Variants in TANC2 observed in about 807,000 individuals in gnomAD.
TANC2 encodes tetratricopeptide repeat, ankyrin repeat and coiled-coil containing 2.
In TANC2, 26 loss-of-function variants were observed where a neutral mutation model predicts 210.5. That is an observed-to-expected ratio of 0.12 (90% CI 0.09 to 0.17). The LOEUF (loss-of-function observed/expected upper bound fraction) is 0.17. TANC2 is among the 10% of genes least tolerant of loss of function. The probability of loss-of-function intolerance (pLI) is 1.00; values close to 1 mark genes in which losing one functional copy is unlikely to be tolerated. For missense variants in TANC2, 2,129 were observed against 2,608.9 expected, an observed-to-expected ratio of 0.82 and a Z score of 4.01; for synonymous variants, 931 against 967.1, an observed-to-expected ratio of 0.96 and a Z score of 0.69.
At chr17:63,073,821 T>A in intron 2 of TANC2, 122 bp from the exon 3 acceptor site, 1 of 897,880 alleles carries the variant, frequency 1.1e-6, no homozygotes, top group Non-Finnish European at 1.6e-6. Context: ...ATTTTAATGA[T>A]CCGGATTATA....
intron 4 of TANC2, among the ~76,000 whole-genome samples, chr17:63,114,538 A>G (rs1489124388): frequency 6.6e-6 from 1 of 152,216 alleles, no homozygotes; most frequent in Non-Finnish European, 1.5e-5. Flanking sequence ...ATTGCTAGGA[A>G]AGACACAACC....
chr17:63,401,265 G>T (rs2048335256), intron 19 of TANC2, among the ~76,000 whole-genome samples: 2 of 152,118 alleles, frequency 1.3e-5, no homozygotes. Flanking sequence ...TCTGCAACCA[G>T]GACCTAAGTG....
intron 5 of TANC2, among the ~76,000 whole-genome samples, chr17:63,165,808 A>C (rs2040192036): frequency 6.6e-6 from 1 of 152,372 alleles, no homozygotes; most frequent in East Asian, 1.9e-4. Flanking sequence ...TAAGGGAATA[A>C]TATGGAAATA....
chr17:63,121,196 C>T (rs996256808), intron 4 of TANC2, among the ~76,000 whole-genome samples: 22 of 152,068 alleles, frequency 1.4e-4, no homozygotes, highest in Admixed American at 1.2e-3. Context: ...CATAATATTT[C>T]GGTGATAAAT....
chr17:63,004,747 G>T, intron 1 of TANC2: 2 of 328,484 alleles, frequency 6.1e-6, no homozygotes, highest in South Asian at 3.1e-5. Context: ...TTCAGTGCCT[G>T]CTCTGTTTTG....
At chr17:63,174,195 G>T (rs1247891786) in intron 5 of TANC2, among the ~76,000 whole-genome samples, 1 of 152,146 alleles carries the variant, frequency 6.6e-6, no homozygotes, top group Non-Finnish European at 1.5e-5. Context: ...TCATCTCTTG[G>T]CAGTAAAGCT....
intron 20 of TANC2, 110 bp from the exon 21 acceptor site, chr17:63,406,043 TG>T: frequency 1.4e-6 from 2 of 1,383,942 alleles, no homozygotes; most frequent in Non-Finnish European, 2.0e-6. Flanking sequence ...GAAAGATACA[TG>T]GGTGACTCGT....
At chr17:63,267,854 C>T (rs778005525) in exon 9 of TANC2, 1 of 1,612,148 alleles carries the variant, frequency 6.2e-7, no homozygotes. Context: ...GTGGTGCTCG[C>T]ACACAGCAGG....
intron 2 of TANC2, among the ~76,000 whole-genome samples, chr17:63,060,482 A>G (rs1241452685): frequency 2.0e-5 from 3 of 152,012 alleles, no homozygotes; most frequent in Non-Finnish European, 4.4e-5. Context: ...TTAGCTGGGC[A>G]TGGTGGTGGG....
intron 3 of TANC2, among the ~76,000 whole-genome samples, chr17:63,078,499 T>C (rs1032899947): frequency 2.6e-5 from 4 of 152,148 alleles, no homozygotes; most frequent in Non-Finnish European, 2.9e-5. Context: ...AGGTAGAATC[T>C]GGGGTCATTG....
chr17:63,377,261 A>G (rs1241205600), intron 14 of TANC2, among the ~76,000 whole-genome samples: 1 of 152,226 alleles, frequency 6.6e-6, no homozygotes, highest in East Asian at 1.9e-4. Context: ...CTCATTGAGT[A>G]TGCAGATTTC....
chr17:63,275,710 A>G (rs1452305364), intron 9 of TANC2, among the ~76,000 whole-genome samples: 1 of 152,110 alleles, frequency 6.6e-6, no homozygotes, highest in Admixed American at 6.6e-5. Flanking sequence ...TCAAAACCCA[A>G]GGATAAGGTT....
At chr17:63,326,118 G>T (rs527926165) in intron 11 of TANC2, among the ~76,000 whole-genome samples, 1 of 152,216 alleles carries the variant, frequency 6.6e-6, no homozygotes, top group East Asian at 1.9e-4. Context: ...AAACAACAGG[G>T]CTCTGACTAC....
intron 9 of TANC2, among the ~76,000 whole-genome samples, chr17:63,270,255 A>G (rs1176294086): frequency 1.3e-5 from 2 of 152,180 alleles, no homozygotes; most frequent in Admixed American, 6.6e-5. Context: ...GATGAATTGT[A>G]TGGCTTAGGA....
chr17:63,289,458 A>C (rs762644294), intron 9 of TANC2, among the ~76,000 whole-genome samples: 1 of 152,036 alleles, frequency 6.6e-6, no homozygotes, highest in African/African-American at 2.4e-5. Flanking sequence ...TTATCTATTA[A>C]TAGACCACAT....
chr17:63,019,817 A>G lies in TANC2; in HGVS notation c.67+10191A>G, dbSNP rs570910136. On this transcript the variant is annotated intron_variant, in intron 2 of 27. Coordinates refer to ENST00000689528, the Ensembl canonical transcript of TANC2. ...ATGTCTTTTGGCTGTCTTCAATTGG[A>G]TGTATGTGTGTGTGTGTGTTGGGTT... Among the ~76,000 whole-genome samples the G allele has an allele frequency of 1.7e-4, 3 of 17,244 alleles. No individual in the cohort carries two copies. The Admixed American group carries it at 3.3e-3, about 19-fold the overall frequency. 11.3% of individuals were successfully genotyped at this position (17,244 alleles called of 152,430 possible). A position where few individuals can be genotyped will look rare whatever the true frequency, so the allele number is the denominator to read the frequency against.
intron 9 of TANC2, among the ~76,000 whole-genome samples, chr17:63,309,042 T>C (rs1255407305): frequency 6.6e-6 from 1 of 152,216 alleles, no homozygotes; most frequent in African/African-American, 2.4e-5. Context: ...ATTTCATAAA[T>C]ACTTCCACAT....
At chr17:63,010,751 A>G (rs2033830801) in intron 2 of TANC2, among the ~76,000 whole-genome samples, 1 of 152,200 alleles carries the variant, frequency 6.6e-6, no homozygotes, top group Non-Finnish European at 1.5e-5. Flanking sequence ...TCATGAAAAC[A>G]GTTTCTTTAC....
chr17:63,181,836 C>T (rs1307099390), intron 5 of TANC2, among the ~76,000 whole-genome samples: 2 of 152,260 alleles, frequency 1.3e-5, no homozygotes, highest in Middle Eastern at 3.4e-3. Context: ...CCTTGTTATT[C>T]GGTGGTTACA....
Sources: gnomAD v4.1 joint callset for allele counts (sites outside exome capture counted in the v4.1 genomes callset) on GRCh38, gnomAD v4.1.1 for gene constraint, MANE v1.5 for transcripts, NCBI Gene and HGNC (gene_info 2026-07-23, HGNC 2026-07-21) for gene names.